Variants in TRIM67 observed in about 807,000 individuals in gnomAD.
TRIM67 encodes tripartite motif-containing protein 67.
In TRIM67, 39 loss-of-function variants were observed where a neutral mutation model predicts 71.0. That is an observed-to-expected ratio of 0.55 (90% CI 0.43 to 0.72). The LOEUF is 0.72. TRIM67 is among the 30% of genes least tolerant of loss of function. The probability of loss-of-function intolerance (pLI) is 0.00; values close to 1 mark genes in which losing one functional copy is unlikely to be tolerated. For synonymous variants in TRIM67, 481 were observed against 473.9 expected, an observed-to-expected ratio of 1.01 and a Z score of -0.19; for missense variants, 973 against 1,079.2, an observed-to-expected ratio of 0.90 and a Z score of 1.38.
At chr1:231,178,980 A>G (rs1026380475) in intron 1 of TRIM67, among the ~76,000 whole-genome samples, 1 of 152,258 alleles carries the variant, frequency 6.6e-6, no homozygotes, top group African/African-American at 2.4e-5. Context: ...GAGTATATGC[A>G]ATATGATTTT....
chr1:231,215,952 TGGTCC>T lies in TRIM67; in HGVS notation c.*513_*517del, dbSNP rs1292314199. ...CTGAGAAAGTTATCTTTTAGCTTCTTGGTCCTAGAGTCTTTAGTAGCACCTGCCAC... is the reference window on the plus strand; with the variant it reads ...CTGAGAAAGTTATCTTTTAGCTTCTTTAGAGTCTTTAGTAGCACCTGCCAC... On this transcript the variant is annotated 3_prime_UTR_variant, in exon 10 of 10. Transcript: ENST00000366653. The T allele has an allele frequency of 3.7e-5, 37 of 986,968 alleles. No homozygotes were observed. The highest frequency in any genetic ancestry group is 4.3e-5 in the Non-Finnish European group (36 of 831,110). The allele number at this position is 986,968 out of a possible 1,614,324, so 61.1% of individuals were successfully genotyped here. A position where few individuals can be genotyped will look rare whatever the true frequency, so the allele number is the denominator to read the frequency against.
chr1:231,206,960 AG>A (rs1465916645), intron 7 of TRIM67, among the ~76,000 whole-genome samples, 170 bp downstream of exon 7: 3 of 152,156 alleles, frequency 2.0e-5, no homozygotes, highest in Admixed American at 6.5e-5. Context: ...GGGCTCCCAA[AG>A]GACAAAGATT....
chr1:231,205,130 A>C (rs1380582779), intron 6 of TRIM67, among the ~76,000 whole-genome samples: 2 of 152,216 alleles, frequency 1.3e-5, no homozygotes, highest in Non-Finnish European at 2.9e-5. Context: ...ATATTAAAAG[A>C]AGCAGCCACA....
At chr1:231,197,550 G>A in intron 2 of TRIM67, 84 bp downstream of exon 2, 1 of 1,318,744 alleles carries the variant, frequency 7.6e-7, no homozygotes, top group Non-Finnish European at 1.1e-6. Flanking sequence ...AAGAGGCGGG[G>A]CACGGTGGCT....
At chr1:231,170,266 G>T (rs1214596604) in intron 1 of TRIM67, among the ~76,000 whole-genome samples, 1 of 152,140 alleles carries the variant, frequency 6.6e-6, no homozygotes, top group African/African-American at 2.4e-5. Context: ...GATTACAGAT[G>T]TGAGCCACCG....
At chr1:231,207,809 C>T (rs1683747262) in intron 7 of TRIM67, among the ~76,000 whole-genome samples, 1 of 152,100 alleles carries the variant, frequency 6.6e-6, no homozygotes, top group Admixed American at 6.5e-5. Flanking sequence ...GCGGTCCTTG[C>T]CCTGTGCATT....
Position 231,218,531 on chromosome 1 carries a change from C to A in TRIM67, c.*3091C>A. ...ATATCCACTAGCACCTCACTGCATACATAGCATCCCAGCTCCTAATTCAAA... is the reference window on the plus strand; with the variant it reads ...ATATCCACTAGCACCTCACTGCATAAATAGCATCCCAGCTCCTAATTCAAA... On this transcript the variant is annotated 3_prime_UTR_variant, in exon 10 of 10. Transcript: ENST00000366653. 1.0e-6 allele frequency: 1 copy of A among 985,444 alleles called. No homozygotes were observed. Among genetic ancestry groups the A allele is most frequent in the Non-Finnish European group, 1.2e-6 (1 of 829,944 alleles). The allele number at this position is 985,444 out of a possible 1,614,324, so 61.0% of individuals were successfully genotyped here.
intron 1 of TRIM67, 142 bp downstream of exon 1, chr1:231,164,155 A>T: frequency 9.0e-7 from 1 of 1,107,702 alleles, no homozygotes; most frequent in Non-Finnish European, 1.2e-6. Context: ...CATTCATTCC[A>T]TCAGATAGTC....
Position 231,163,001 on chromosome 1 carries a change from G to A in TRIM67, c.32G>A (p.Gly11Asp). 6.2e-7 allele frequency: 1 copy of A among 1,612,556 alleles called. No homozygotes were observed. Among genetic ancestry groups the A allele is most frequent in the Non-Finnish European group, 8.5e-7 (1 of 1,179,348 alleles). The change falls in exon 1 of 10, where the codon GGC (glycine) becomes GAC (aspartate). Residue 11 changes from glycine to aspartate, a missense_variant. By Grantham distance (94) the Gly-to-Asp change is moderately conservative. Transcript: ENST00000366653. ...GAAGAGCTGAAGTGTCCCGTGTGCG[G>A]CTCTCTGTTTCGGGAGCCTATCATC... MEEELKCPVC[G>D]SLFREPIILP... is the part of the protein sequence containing the mutation.
At chr1:231,215,273 G>C (rs1289167704) in intron 9 of TRIM67, 102 bp from the exon 10 acceptor site, 1 of 1,490,306 alleles carries the variant, frequency 6.7e-7, no homozygotes, top group Non-Finnish European at 9.0e-7. Context: ...GGATGGCCCT[G>C]GAGCCAGCAG....
chr1:231,185,318 A>T (rs1683039706), intron 1 of TRIM67: 1 of 1,147,576 alleles, frequency 8.7e-7, no homozygotes, highest in South Asian at 1.5e-5. Context: ...AGAAAAGAAA[A>T]GGAAGGAAAG....
At chr1:231,205,308 A>G (rs1256975734) in intron 6 of TRIM67, among the ~76,000 whole-genome samples, 1 of 152,232 alleles carries the variant, frequency 6.6e-6, no homozygotes, top group Admixed American at 6.5e-5. Context: ...CTGTGATCTT[A>G]GACCACATTA....
chr1:231,163,865 A>G lies in TRIM67; in HGVS notation c.896A>G (p.Lys299Arg). ...GCGACTGGGGGCAGCACGGCCCGCA[A>G]GTTCCCCACGTGTCCCGAGCATGAA... ...AGATGGSTAR[K>R]FPTCPEHEME... Residue 299 changes from lysine to arginine, a missense_variant, in exon 1 of 10, where the codon AAG becomes AGG. Lys to Arg is a conservative substitution (Grantham distance 26). Transcript: ENST00000366653. The G allele has an allele frequency of 6.4e-7, 1 of 1,568,288 alleles. No homozygotes were observed.
intron 5 of TRIM67, among the ~76,000 whole-genome samples, chr1:231,202,208 AGTGG>A (rs1683566146): frequency 6.8e-6 from 1 of 147,138 alleles, no homozygotes; most frequent in Non-Finnish European, 1.5e-5. Flanking sequence ...TGGCTGAGAT[AGTGG>A]AGGAGGAGGA....
intron 1 of TRIM67, among the ~76,000 whole-genome samples, chr1:231,173,467 G>A (rs1682664336): frequency 1.3e-5 from 2 of 152,240 alleles, no homozygotes; most frequent in Admixed American, 6.5e-5. Context: ...TTCAAGCTAA[G>A]ACTTGAAGAC....
chr1:231,209,999 C>A lies in TRIM67; in HGVS notation c.2123+749C>A, dbSNP rs1287507189. On this transcript the variant is annotated intron_variant, in intron 8 of 9. Transcript: ENST00000366653. This position sits in a 1 kb window ranked among gnomAD's most constrained non-coding sequence, Gnocchi z 4.1. ...CTCCTCAGACACAAAGAAGGCAGTGCCCCCCCAACACCCCTGCACCATAGC... is the reference window on the plus strand; with the variant it reads ...CTCCTCAGACACAAAGAAGGCAGTGACCCCCCAACACCCCTGCACCATAGC... Among the ~76,000 whole-genome samples, 1 of 151,646 alleles carries A rather than the reference C, an allele frequency of 6.6e-6. No homozygotes were observed. The highest frequency in any genetic ancestry group is 1.5e-5 in the Non-Finnish European group (1 of 67,970).
At position 231,216,603 on chromosome 1, in the gene TRIM67, G is replaced by T. The variant is rs1431806406; in HGVS notation, c.*1163G>T. On this transcript the variant is annotated 3_prime_UTR_variant, in exon 10 of 10. Transcript: ENST00000366653. ...AGTGGCCCCTGTGGCAGGCCGGGAC[G>T]GCTCTGCCCTGATGCAGTGGGCGGG... The T allele has an allele frequency of 2.0e-6, 2 of 985,434 alleles. No homozygotes were observed. Among genetic ancestry groups the T allele is most frequent in the Non-Finnish European group, 2.4e-6 (2 of 830,006 alleles). 61.0% of individuals were successfully genotyped at this position (985,434 alleles called of 1,614,324 possible).
At chr1:231,179,613 A>T (rs1682846564) in intron 1 of TRIM67, among the ~76,000 whole-genome samples, 1 of 152,262 alleles carries the variant, frequency 6.6e-6, no homozygotes, top group East Asian at 1.9e-4. Flanking sequence ...GATATGAATA[A>T]CTCCCACAAG....
chr1:231,206,950 G>C (rs74143582), intron 7 of TRIM67, among the ~76,000 whole-genome samples, 160 bp downstream of exon 7: 2 of 152,060 alleles, frequency 1.3e-5, no homozygotes, highest in Non-Finnish European at 2.9e-5. Context: ...GACCACAGGC[G>C]GGCTCCCAAA....
Sources: gnomAD v4.1 joint callset for allele counts (sites outside exome capture counted in the v4.1 genomes callset) on GRCh38, gnomAD v4.1.1 for gene constraint, Gnocchi (gnomAD v3.1) non-coding constraint, MANE v1.5 for transcripts, NCBI Gene and HGNC (gene_info 2026-07-23, HGNC 2026-07-21) for gene names.